The following BMAL1 variants were observed in gnomAD, a reference collection of about 807,000 sequenced individuals.
The protein encoded by BMAL1 is basic helix-loop-helix ARNT-like protein 1.
the BMAL1 span, among the ~76,000 whole-genome samples, chr11:13,369,925 C>A: frequency 0.097 from 14,728 of 152,150 alleles, 924 homozygotes; most frequent in Admixed American, 0.18. Flanking sequence ...ATGTGTAGGG[C>A]AGTTGGGAGC....
chr11:13,306,908 T>A, the BMAL1 span, among the ~76,000 whole-genome samples: 1 of 152,246 alleles, frequency 6.6e-6, no homozygotes, highest in Non-Finnish European at 1.5e-5. Context: ...CAGGCTGCCC[T>A]GCCTGAGGGG....
the BMAL1 span, chr11:13,354,651 T>A: frequency 1.4e-5 from 8 of 586,700 alleles, no homozygotes; most frequent in Non-Finnish European, 2.3e-5. Context: ...TGCTGAGGCA[T>A]TTAACTTCCA....
the BMAL1 span, chr11:13,381,083 T>C: frequency 6.9e-7 from 1 of 1,446,316 alleles, no homozygotes; most frequent in South Asian, 1.2e-5. Flanking sequence ...TTCATCCCCT[T>C]TCTCACCTTT....
the BMAL1 span, among the ~76,000 whole-genome samples, chr11:13,324,148 G>A: frequency 4.6e-5 from 7 of 151,636 alleles, no homozygotes; most frequent in South Asian, 1.2e-3. Flanking sequence ...CTCTACCCTC[G>A]TTCAAACCTC....
the BMAL1 span, among the ~76,000 whole-genome samples, chr11:13,341,212 C>T: frequency 2.6e-5 from 4 of 152,192 alleles, no homozygotes; most frequent in Non-Finnish European, 4.4e-5. Flanking sequence ...TCTGGAGACA[C>T]GCCCACTGCC....
chr11:13,308,236 C>T, the BMAL1 span, among the ~76,000 whole-genome samples: 3 of 152,176 alleles, frequency 2.0e-5, no homozygotes, highest in Non-Finnish European at 4.4e-5. Context: ...GGACACAACG[C>T]TGGGAGGAGC....
chr11:13,330,556 A>G, the BMAL1 span, among the ~76,000 whole-genome samples: 1 of 152,256 alleles, frequency 6.6e-6, no homozygotes, highest in African/African-American at 2.4e-5. Flanking sequence ...TCAACCATCC[A>G]TTCAATCTGT....
chr11:13,325,657 T>TGTGTGTGTGTGTGTG, the BMAL1 span, among the ~76,000 whole-genome samples: 1 of 134,348 alleles, frequency 7.4e-6, no homozygotes, highest in African/African-American at 2.9e-5. Context: ...TTGAGACCTT[T>TGTGTGTGTGTGTGTG]TGTGTGTGTG....
the BMAL1 span, among the ~76,000 whole-genome samples, chr11:13,305,086 T>C: frequency 6.6e-6 from 1 of 152,214 alleles, no homozygotes; most frequent in Non-Finnish European, 1.5e-5. Flanking sequence ...AGTCATGACC[T>C]GTCAAGGCTG....
chr11:13,381,521 G>A, the BMAL1 span, among the ~76,000 whole-genome samples: 1 of 152,170 alleles, frequency 6.6e-6, no homozygotes, highest in Admixed American at 6.5e-5. Flanking sequence ...ATTTAATTGA[G>A]GGAGCAATTC....
chr11:13,327,333 CAGCAAATAAT>C, the BMAL1 span, among the ~76,000 whole-genome samples: 1 of 152,192 alleles, frequency 6.6e-6, no homozygotes, highest in African/African-American at 2.4e-5. Flanking sequence ...ATTGTGCTGT[CAGCAAATAAT>C]AGCTCATCGC....
At chr11:13,384,753 T>C in the BMAL1 span, among the ~76,000 whole-genome samples, 1 of 152,242 alleles carries the variant, frequency 6.6e-6, no homozygotes, top group Admixed American at 6.5e-5. Flanking sequence ...TGGTAATTTT[T>C]TGTTACTGTT....
At chr11:13,343,367 G>T in the BMAL1 span, among the ~76,000 whole-genome samples, 3 of 152,304 alleles carry the variant, frequency 2.0e-5, no homozygotes, top group African/African-American at 4.8e-5. Context: ...AAGTCATTCT[G>T]CAGTCATTAA....
chr11:13,367,034 T>C, the BMAL1 span, among the ~76,000 whole-genome samples: 1 of 152,252 alleles, frequency 6.6e-6, no homozygotes, highest in Non-Finnish European at 1.5e-5. Context: ...CTGGATTCTT[T>C]CTGATTTTTA....
chr11:13,327,057 T>A, the BMAL1 span, among the ~76,000 whole-genome samples: 1 of 151,784 alleles, frequency 6.6e-6, no homozygotes, highest in Non-Finnish European at 1.5e-5. Context: ...CCTGACCTCG[T>A]GATCCACCCC....
At chr11:13,342,217 C>T in the BMAL1 span, among the ~76,000 whole-genome samples, 2 of 152,098 alleles carry the variant, frequency 1.3e-5, no homozygotes, top group Non-Finnish European at 2.9e-5. Flanking sequence ...ATGGGGTCTG[C>T]GTGAGGGGCA....
At chr11:13,374,269 C>A in the BMAL1 span, 1 of 1,414,848 alleles carries the variant, frequency 7.1e-7, no homozygotes, top group Non-Finnish European at 9.9e-7. Context: ...GTCAACATGA[C>A]CTTCCAGGGA....
chr11:13,385,676 CT>C, the BMAL1 span: 7 of 1,594,312 alleles, frequency 4.4e-6, no homozygotes, highest in Non-Finnish European at 6.0e-6. Context: ...CACTTCCCTC[CT>C]TTTGTTTGTA....
chr11:13,311,168 G>A, the BMAL1 span, among the ~76,000 whole-genome samples: 15 of 152,320 alleles, frequency 9.8e-5, no homozygotes, highest in African/African-American at 3.1e-4. Flanking sequence ...GATAACAGTG[G>A]TTCATCCATA....
Sources: allele counts gnomAD v4.1 joint callset (sites outside exome capture counted in the v4.1 genomes callset), GRCh38; gene constraint gnomAD v4.1.1; transcripts MANE v1.5; gene names NCBI Gene and HGNC (gene_info 2026-07-23, HGNC 2026-07-21).